The following PCDHAC1 variants were observed in gnomAD, a reference collection of about 807,000 sequenced individuals.
PCDHAC1 encodes protocadherin alpha subfamily C, 1.
In PCDHAC1, 42 loss-of-function variants were observed where a neutral mutation model predicts 60.0. That is an observed-to-expected ratio of 0.70 (90% CI 0.55 to 0.90). PCDHAC1 has a LOEUF of 0.90. Among genes scored for constraint, PCDHAC1 ranks in the 40% least tolerant of loss-of-function variants. The pLI, the probability that PCDHAC1 is intolerant of heterozygous loss-of-function variation, is 0.00. For missense variants in PCDHAC1, 1,160 were observed against 1,222.3 expected (o/e 0.95, Z 0.76); for synonymous variants, 468 against 499.3 (o/e 0.94, Z 0.84).
At chr5:140,942,239 T>A (rs1554214876) in intron 1 of PCDHAC1, among the ~76,000 whole-genome samples, 1 of 152,156 alleles carries the variant, frequency 6.6e-6, no homozygotes, top group Admixed American at 6.6e-5. Flanking sequence ...AAATAAGATA[T>A]CCATATCATT....
intron 3 of PCDHAC1, among the ~76,000 whole-genome samples, chr5:141,005,018 T>G (rs2098193299): frequency 6.6e-6 from 1 of 152,250 alleles, no homozygotes; most frequent in Non-Finnish European, 1.5e-5. Context: ...AGCTGCATTA[T>G]ATATAATTGC....
intron 3 of PCDHAC1, among the ~76,000 whole-genome samples, chr5:141,007,109 GA>G (rs1473367544): frequency 6.6e-6 from 1 of 152,138 alleles, no homozygotes; most frequent in Non-Finnish European, 1.5e-5. Flanking sequence ...CAAACCCAAG[GA>G]AGCTTCAACA....
At chr5:140,940,705 C>T (rs2092669255) in intron 1 of PCDHAC1, among the ~76,000 whole-genome samples, 1 of 152,170 alleles carries the variant, frequency 6.6e-6, no homozygotes, top group Non-Finnish European at 1.5e-5. Context: ...AAGTGTATAC[C>T]TGCTGTGTGC....
chr5:140,975,996 C>T (rs923472287), intron 1 of PCDHAC1, among the ~76,000 whole-genome samples: 1 of 152,064 alleles, frequency 6.6e-6, no homozygotes, highest in African/African-American at 2.4e-5. Flanking sequence ...GAGGTACCAT[C>T]TAAGTATTAA....
chr5:140,968,521 C>G, intron 1 of PCDHAC1: 1 of 1,614,180 alleles, frequency 6.2e-7, no homozygotes, highest in Non-Finnish European at 8.5e-7. Context: ...CTACCTCAAC[C>G]AACTCGTCAG....
chr5:140,972,287 G>T (rs2096528818), intron 1 of PCDHAC1, among the ~76,000 whole-genome samples: 1 of 151,036 alleles, frequency 6.6e-6, no homozygotes, highest in Non-Finnish European at 1.5e-5. Flanking sequence ...CCATAGATGT[G>T]CGCCACCGTG....
intron 3 of PCDHAC1, among the ~76,000 whole-genome samples, chr5:140,987,372 A>G (rs1357478474): frequency 6.6e-6 from 1 of 152,204 alleles, no homozygotes; most frequent in Non-Finnish European, 1.5e-5. Flanking sequence ...ATATCATTAC[A>G]GGGTCAGAAT....
Position 141,010,440 on chromosome 5 carries a change from A to G in PCDHAC1, c.*503A>G, listed in dbSNP as rs1279403327. 3 of 984,540 alleles carry G rather than the reference A, an allele frequency of 3.0e-6. No individual in the cohort carries two copies. Among genetic ancestry groups the G allele is most frequent in the Admixed American group, 5.9e-5 (2 of 34,150 alleles). The allele number at this position is 984,540 out of a possible 1,614,324, so 61.0% of individuals were successfully genotyped here. On this transcript the variant is annotated 3_prime_UTR_variant, in exon 4 of 4. Transcript: ENST00000253807. The stretch of plus-strand genomic sequence containing the variant: ...CAAGGAAGGCAAGAAAACAAAGACA[A>G]ATAAACAGCGGAAGTTATCAGTATG...
Position 140,927,133 on chromosome 5 carries a change from G to A in PCDHAC1, c.241G>A (p.Ala81Thr), listed in dbSNP as rs2083881073. Residue 81 changes from alanine (A) to threonine (T), a missense_variant, in exon 1 of 4, where the codon GCG (alanine) becomes ACG (threonine). Around this residue, in one of 3 missense-constraint regions of PCDHAC1, gnomAD observed 1,113 missense variants for 1,163.7 expected, o/e 0.96. Transcript: ENST00000253807. ...PSGNLVVREP[A>T]DREQLCRAKA... ...CGGCAATTTGGTGGTCAGAGAGCCG[G>A]CGGACCGCGAACAGCTGTGCAGGGC... 9.9e-6 allele frequency: 16 copies of A among 1,613,984 alleles called. No homozygotes were observed. Among genetic ancestry groups the A allele is most frequent in the Non-Finnish European group, 1.4e-5 (16 of 1,180,008 alleles).
Position 140,996,044 on chromosome 5 carries a change from A to G in PCDHAC1, c.2581+13481A>G, listed in dbSNP as rs569475149. Among the ~76,000 whole-genome samples, 13 of 152,366 alleles carry G rather than the reference A, an allele frequency of 8.5e-5. No homozygotes were observed. The South Asian group carries it at 1.9e-3, about 22-fold the overall frequency. Reference sequence around the variant, plus strand: ...GTTTAATGCTCCTAGCACTTAACACAGTGCTTGGCACACAGTAAAGAGGAT... The same window carrying G: ...GTTTAATGCTCCTAGCACTTAACACGGTGCTTGGCACACAGTAAAGAGGAT... On this transcript the variant is annotated intron_variant, in intron 3 of 3. Coordinates refer to ENST00000253807, the MANE Select transcript of PCDHAC1 (RefSeq NM_018898.5).
At position 140,999,623 on chromosome 5, in the gene PCDHAC1, A is replaced by G. The variant is rs188539860; in HGVS notation, c.2582-10004A>G. ...CCTGGGGGACCTTATCAACCAGGAAACAAGGTAGAGAAAACTGTGCAGCCT... is the reference window on the plus strand; with the variant it reads ...CCTGGGGGACCTTATCAACCAGGAAGCAAGGTAGAGAAAACTGTGCAGCCT... On this transcript the variant is annotated intron_variant, in intron 3 of 3. Transcript: ENST00000253807. Among the ~76,000 whole-genome samples the G allele has an allele frequency of 1.3e-4, 20 of 152,330 alleles. No individual in the cohort carries two copies. In the East Asian group the frequency reaches 3.9e-3, roughly 29 times the overall value.
chr5:141,001,567 T>A (rs116015618), intron 3 of PCDHAC1, among the ~76,000 whole-genome samples: 2 of 152,294 alleles, frequency 1.3e-5, no homozygotes, highest in African/African-American at 4.8e-5. Context: ...ACGATTCTCC[T>A]GTGTTTTGTG....
At chr5:140,966,868 G>A (rs781853403) in intron 1 of PCDHAC1, 47 of 1,580,198 alleles carry the variant, frequency 3.0e-5, no homozygotes, top group Non-Finnish European at 3.7e-5. Flanking sequence ...TGTTGCTGCT[G>A]CTGCTACCTG....
Position 140,937,138 on chromosome 5 carries a change from T to C in PCDHAC1, c.2433+7813T>C, listed in dbSNP as rs368450201. On this transcript the variant is annotated intron_variant, in intron 1 of 3. Coordinates refer to ENST00000253807, the MANE Select transcript of PCDHAC1 (RefSeq NM_018898.5). ...CTGCAAGCTCCGCCTCCCGGGTTCA[T>C]GCCATTCTCCTGCCTCAGCCTCCCG... is the stretch of plus-strand genomic sequence containing the variant. 1.7e-4 allele frequency among the ~76,000 whole-genome samples: 25 copies of C among 151,290 alleles called. 1 individual carries two copies. In the South Asian group the frequency reaches 2.7e-3, roughly 16 times the overall value.
In PCDHAC1 at chr5:140,927,064, C is replaced by T. The variant is rs1409465902; in HGVS notation, c.172C>T (p.Leu58Phe). Residue 58 changes from leucine (L) to phenylalanine (F), a missense_variant, in exon 1 of 4, where the codon CTT becomes TTT. Leu to Phe is a conservative substitution (Grantham distance 22, BLOSUM62 0). Transcript: ENST00000253807. ...AAMSSRNFRF[L>F]SSHRELYFGV... ...TATGTCCTCGCGGAACTTTCGCTTC[C>T]TTTCCAGCCACCGCGAGCTCTACTT... 1.2e-6 allele frequency: 2 copies of T among 1,611,234 alleles called. No individual in the cohort carries two copies. Among genetic ancestry groups the T allele is most frequent in the Admixed American group, 1.7e-5 (1 of 59,938 alleles).
intron 1 of PCDHAC1, among the ~76,000 whole-genome samples, chr5:140,974,086 A>G (rs1554235813): frequency 2.6e-5 from 4 of 152,256 alleles, no homozygotes; most frequent in Non-Finnish European, 5.9e-5. Context: ...CATGACTTCA[A>G]AAATCAAAGG....
intron 3 of PCDHAC1, among the ~76,000 whole-genome samples, chr5:140,991,989 G>A (rs782528431): frequency 1.3e-5 from 2 of 151,180 alleles, no homozygotes; most frequent in African/African-American, 4.9e-5. Flanking sequence ...CCTACCACCC[G>A]GTCTTTCATG....
intron 3 of PCDHAC1, among the ~76,000 whole-genome samples, chr5:140,994,564 G>A (rs1554254259): frequency 6.6e-6 from 1 of 152,070 alleles, no homozygotes; most frequent in Non-Finnish European, 1.5e-5. Flanking sequence ...AATTAGCCGG[G>A]TGTGGTGGCA....
intron 3 of PCDHAC1, among the ~76,000 whole-genome samples, chr5:141,000,395 CTATATATATA>C (rs1190667031): frequency 1.9e-5 from 1 of 53,986 alleles, no homozygotes; most frequent in Non-Finnish European, 3.2e-5. Context: ...CTCTCTCTCT[CTATATATATA>C]TATATATATA....
Sources: gnomAD v4.1 joint callset for allele counts (sites outside exome capture counted in the v4.1 genomes callset) on GRCh38, gnomAD v4.1.1 for gene constraint, gnomAD v4.1.1 regional missense constraint, MANE v1.5 for transcripts, NCBI Gene and HGNC (gene_info 2026-07-23, HGNC 2026-07-21) for gene names.